Variants in ASZ1 observed in about 807,000 individuals in gnomAD.
ASZ1 encodes the protein ankyrin repeat, SAM and basic leucine zipper domain containing 1.
Under a neutral mutation model 61.8 loss-of-function variants are expected in ASZ1, and 67 were observed. That is an observed-to-expected ratio of 1.08 (90% CI 0.89 to 1.33). The LOEUF is 1.33. Among genes scored for constraint, ASZ1 ranks in the 40% most tolerant of loss-of-function variants. The pLI is 0.00. For synonymous variants in ASZ1, 193 were observed against 192.7 expected (o/e 1.00, Z -0.01); for missense variants, 577 against 554.5 (o/e 1.04, Z -0.41).
intron 4 of ASZ1, among the ~76,000 whole-genome samples, chr7:117,405,524 T>A (rs1796765715): frequency 6.6e-6 from 1 of 152,192 alleles, no homozygotes; most frequent in African/African-American, 2.4e-5. Flanking sequence ...CTTTTGATGT[T>A]ATGAGGGCAT....
chr7:117,409,090 A>C (rs1796845033), intron 4 of ASZ1, among the ~76,000 whole-genome samples: 1 of 152,048 alleles, frequency 6.6e-6, no homozygotes, highest in Non-Finnish European at 1.5e-5. Context: ...ACTTGGGCAG[A>C]AAAAATACAC....
chr7:117,415,196 G>C (rs762592310), intron 4 of ASZ1, among the ~76,000 whole-genome samples: 1 of 152,164 alleles, frequency 6.6e-6, no homozygotes, highest in Non-Finnish European at 1.5e-5. Flanking sequence ...TCTGGCATGA[G>C]ATGGTATCTC....
At chr7:117,424,305 T>G (rs1406459178) in intron 2 of ASZ1, among the ~76,000 whole-genome samples, 1 of 152,172 alleles carries the variant, frequency 6.6e-6, no homozygotes, top group Non-Finnish European at 1.5e-5. Context: ...CAGAAGCATG[T>G]TTCAAGAACA....
chr7:117,382,674 C>T (rs1311222984), intron 7 of ASZ1, among the ~76,000 whole-genome samples: 1 of 151,896 alleles, frequency 6.6e-6, no homozygotes, highest in Non-Finnish European at 1.5e-5. Context: ...TAGAACTGTA[C>T]TAAAAATAAT....
intron 4 of ASZ1, among the ~76,000 whole-genome samples, chr7:117,404,611 G>A (rs993475583): frequency 2.6e-5 from 4 of 151,902 alleles, no homozygotes; most frequent in South Asian, 4.2e-4. Context: ...TTTTATTCTG[G>A]CAGTAACCAA....
intron 10 of ASZ1, among the ~76,000 whole-genome samples, chr7:117,379,541 A>G (rs1408477904): frequency 6.6e-6 from 1 of 151,802 alleles, no homozygotes; most frequent in African/African-American, 2.4e-5. Flanking sequence ...TGAAAATAGA[A>G]CTGAGCTACA....
intron 4 of ASZ1, among the ~76,000 whole-genome samples, chr7:117,387,773 T>C (rs1270580371): frequency 2.6e-5 from 4 of 152,196 alleles, no homozygotes; most frequent in African/African-American, 9.6e-5. Context: ...GTTTATTGTC[T>C]TTGAAAATGC....
rs774318824 is a variant in ASZ1, at chr7:117,363,612, G to T, written c.1412C>A (p.Thr471Asn). Residue 471 changes from threonine to asparagine, a missense_variant, in exon 13 of 13, where the codon ACT becomes AAT. Transcript: ENST00000284629. ...FGFLLFICKL[T>N]FQRK The stretch of plus-strand genomic sequence containing the variant: ...ATATTTGGATTATTTCCTCTGGAAA[G>T]TTAGCTTGCAAATGAAAAGAAGAAA... 6.3e-6 allele frequency: 10 copies of T among 1,598,322 alleles called. 1 individual carries two copies. The South Asian group carries it at 1.1e-4, about 18-fold the overall frequency.
At chr7:117,374,452 G>A (rs944468578) in intron 10 of ASZ1, among the ~76,000 whole-genome samples, 1 of 152,000 alleles carries the variant, frequency 6.6e-6, no homozygotes, top group African/African-American at 2.4e-5. Context: ...CCAGGTAAGG[G>A]AACCACTAGC....
chr7:117,390,837 G>A (rs1188727309), intron 4 of ASZ1, among the ~76,000 whole-genome samples: 1 of 152,110 alleles, frequency 6.6e-6, no homozygotes, highest in Non-Finnish European at 1.5e-5. Context: ...CTGAATAGCT[G>A]GGATTACAGG....
At chr7:117,410,918 C>T (rs2116518422) in intron 4 of ASZ1, among the ~76,000 whole-genome samples, 1 of 151,664 alleles carries the variant, frequency 6.6e-6, no homozygotes, top group East Asian at 1.9e-4. Context: ...ATTTATTATA[C>T]ACTACTAATC....
At chr7:117,384,498 T>A (rs1796310549) in intron 6 of ASZ1, among the ~76,000 whole-genome samples, 1 of 152,138 alleles carries the variant, frequency 6.6e-6, no homozygotes, top group African/African-American at 2.4e-5. Flanking sequence ...ATTACTCTTT[T>A]ATAGAGCTTT....
At chr7:117,410,095 G>A (rs1039399339) in intron 4 of ASZ1, among the ~76,000 whole-genome samples, 2 of 151,316 alleles carry the variant, frequency 1.3e-5, no homozygotes, top group Admixed American at 6.6e-5. Flanking sequence ...ATTATTAATA[G>A]GTACTCCTGG....
intron 10 of ASZ1, among the ~76,000 whole-genome samples, chr7:117,374,231 T>C (rs1018206249): frequency 6.6e-6 from 1 of 152,114 alleles, no homozygotes; most frequent in Non-Finnish European, 1.5e-5. Context: ...TGAAAATCTA[T>C]TGTTTGTATG....
chr7:117,369,574 A>G (rs1315080357), intron 10 of ASZ1, among the ~76,000 whole-genome samples: 1 of 152,184 alleles, frequency 6.6e-6, no homozygotes, highest in African/African-American at 2.4e-5. Context: ...TGATGAAGGA[A>G]AACTTAAACT....
chr7:117,405,651 A>G (rs1796768840), intron 4 of ASZ1, among the ~76,000 whole-genome samples: 1 of 152,182 alleles, frequency 6.6e-6, no homozygotes, highest in Non-Finnish European at 1.5e-5. Flanking sequence ...TGATCGCATC[A>G]TCTTGGTGCT....
At chr7:117,368,747 G>A in intron 10 of ASZ1, 30 bp from the exon 11 acceptor site, 1 of 1,606,044 alleles carries the variant, frequency 6.2e-7, no homozygotes, top group Non-Finnish European at 8.5e-7. Flanking sequence ...AAACAAGCAG[G>A]AATTACTAAT....
intron 4 of ASZ1, among the ~76,000 whole-genome samples, chr7:117,387,349 C>T (rs1796380441): frequency 6.9e-6 from 1 of 145,662 alleles, no homozygotes; most frequent in Admixed American, 6.9e-5. Flanking sequence ...AACAACAACG[C>T]CACCCAAAAC....
rs369323334 is a variant in ASZ1 at position 117,426,950 on chromosome 7, A to G, written c.106-15T>C. On this transcript the variant is annotated splice_polypyrimidine_tract_variant and intron_variant, in intron 1 of 12. Transcript: ENST00000284629. ...CTTTTCAATTTCTAGAAAAGTAAACATTTTAAAAAATTCTTGTTATATATA... is the reference window on the plus strand; with the variant it reads ...CTTTTCAATTTCTAGAAAAGTAAACGTTTTAAAAAATTCTTGTTATATATA... 1 of 1,574,870 alleles carries G rather than the reference A, an allele frequency of 6.3e-7. No individual in the cohort carries two copies. Among genetic ancestry groups the G allele is most frequent in the Non-Finnish European group, 8.6e-7 (1 of 1,166,006 alleles).
Sources: allele counts gnomAD v4.1 joint callset (sites outside exome capture counted in the v4.1 genomes callset), GRCh38; gene constraint gnomAD v4.1.1; transcripts MANE v1.5; gene names NCBI Gene and HGNC (gene_info 2026-07-23, HGNC 2026-07-21).